Variants in CYB5R3 observed in about 807,000 individuals in gnomAD.
The protein encoded by CYB5R3 is NADH-cytochrome b5 reductase 3.
A neutral mutation model predicts 36.5 loss-of-function variants in CYB5R3; 28 were observed. That is an observed-to-expected ratio of 0.77 (90% confidence interval 0.57 to 1.05). The LOEUF is 1.05. Ranked by LOEUF, CYB5R3 falls within the 50% of genes least tolerant of loss-of-function variation. The pLI, the probability that CYB5R3 is intolerant of heterozygous loss-of-function variation, is 0.00. For missense variants in CYB5R3, 474 were observed against 408.9 expected, an observed-to-expected ratio of 1.16 and a Z score of -1.37; for synonymous variants, 181 against 159.8, an observed-to-expected ratio of 1.13 and a Z score of -1.00.
intron 4 of CYB5R3, among the ~76,000 whole-genome samples, chr22:42,629,035 C>CA (rs1338490689): frequency 6.6e-6 from 1 of 152,130 alleles, no homozygotes; most frequent in Non-Finnish European, 1.5e-5. Context: ...TAACCTTTAT[C>CA]AAGGACCAAG....
chr22:42,624,904 T>A (rs1367035299), intron 7 of CYB5R3, among the ~76,000 whole-genome samples: 1 of 152,080 alleles, frequency 6.6e-6, no homozygotes, highest in Non-Finnish European at 1.5e-5. Flanking sequence ...GGTGCCTGAA[T>A]ACGGGAATCA....
chr22:42,631,743 G>T (rs1345896688), intron 2 of CYB5R3: 2 of 515,898 alleles, frequency 3.9e-6, no homozygotes, highest in Non-Finnish European at 7.1e-6. Context: ...AAGGGAGGAT[G>T]CCAGACAGGA....
intron 1 of CYB5R3, among the ~76,000 whole-genome samples, chr22:42,638,842 G>A (rs933658102): frequency 1.3e-5 from 2 of 150,706 alleles, no homozygotes; most frequent in South Asian, 2.1e-4. Context: ...AGACCAGCCT[G>A]GCTAACATCG....
At chr22:42,634,024 A>C (rs1928749735) in intron 2 of CYB5R3, among the ~76,000 whole-genome samples, 1 of 152,160 alleles carries the variant, frequency 6.6e-6, no homozygotes, top group Non-Finnish European at 1.5e-5. Flanking sequence ...TTTGGGTAAG[A>C]AAAAAACATG....
At chr22:42,622,939 C>T (rs1234193760) in intron 8 of CYB5R3, among the ~76,000 whole-genome samples, 2 of 152,230 alleles carry the variant, frequency 1.3e-5, no homozygotes, top group Non-Finnish European at 2.9e-5. Context: ...TGCAGGTCCC[C>T]AGCTTCTCTT....
At chr22:42,629,088 G>A (rs1036094467) in intron 4 of CYB5R3, among the ~76,000 whole-genome samples, 1 of 152,150 alleles carries the variant, frequency 6.6e-6, no homozygotes. Flanking sequence ...CTGGTCACCT[G>A]TGAGTTTTTC....
At position 42,636,647 on chromosome 22, in the gene CYB5R3, C is replaced by T. The variant is rs914291617; in HGVS notation, c.153+68G>A. The T allele has an allele frequency of 7.6e-6, 12 of 1,588,376 alleles. No individual in the cohort carries two copies. In the African/African-American group the frequency reaches 1.6e-4, roughly 21 times the overall value. ...ATCTACTTCAGAGCAGGACCATGCC[C>T]TGAGCACAGAGTAGGTGCTGGGCAA... is the stretch of plus-strand genomic sequence containing the variant. On this transcript the variant is annotated intron_variant, in intron 2 of 8. Coordinates refer to ENST00000352397, the MANE Select transcript of CYB5R3 (RefSeq NM_000398.7).
At position 42,638,728 on chromosome 22, in the gene CYB5R3, T is replaced by TAAAAAAAAAAAAAAAAAAAAAAAA. The variant is rs67349863; in HGVS notation, c.22-1883_22-1882insTTTTTTTTTTTTTTTTTTTTTTTT. Among the ~76,000 whole-genome samples, 50 of 47,510 alleles carry TAAAAAAAAAAAAAAAAAAAAAAAA rather than the reference T, an allele frequency of 1.1e-3. 2 individuals are homozygous for TAAAAAAAAAAAAAAAAAAAAAAAA. The highest frequency in any genetic ancestry group is 2.9e-3 in the South Asian group (3 of 1,024). 31.2% of individuals were successfully genotyped at this position (47,510 alleles called of 152,430 possible). On this transcript the variant is annotated intron_variant, in intron 1 of 8. Transcript: ENST00000352397. Reference sequence around the variant, plus strand: ...GCCTGGGAGACAGAGCAAGACTCCATAAAAAAAAAAAAAAAAAAAAAAGGC... The same window carrying TAAAAAAAAAAAAAAAAAAAAAAAA: ...GCCTGGGAGACAGAGCAAGACTCCATAAAAAAAAAAAAAAAAAAAAAAAAAAAAAAAAAAAAAAAAAAAAAAGGC...
intron 8 of CYB5R3, among the ~76,000 whole-genome samples, chr22:42,621,572 TA>T (rs1302312184): frequency 6.6e-6 from 1 of 152,252 alleles, no homozygotes; most frequent in African/African-American, 2.4e-5. Flanking sequence ...GTACCTCAAC[TA>T]ATCTTGAATT....
rs1365402373 is a variant in CYB5R3 at position 42,628,256 on chromosome 22, T to C, written c.359A>G (p.Lys120Arg). 5 of 1,614,082 alleles carry C rather than the reference T, an allele frequency of 3.1e-6. No homozygotes were observed. Among genetic ancestry groups the C allele is most frequent in the Non-Finnish European group, 4.2e-6 (5 of 1,179,976 alleles). The change falls in exon 5 of 9, where the codon AAG becomes AGG. Residue 120 changes from lysine to arginine, a missense_variant. Physicochemically the swap from Lys to Arg is conservative, Grantham distance 26. Transcript: ENST00000352397. ...IKVYFKDTHPKFPAGGKMSQY... is the reference protein window; with the variant it reads ...IKVYFKDTHPRFPAGGKMSQY... ...AGACATCTTCCCTCCAGCGGGAAACTTGGGATGGGTGTCCTTGAAGTAAAC... is the reference window on the plus strand; with the variant it reads ...AGACATCTTCCCTCCAGCGGGAAACCTGGGATGGGTGTCCTTGAAGTAAAC...
At chr22:42,645,335 C>A (rs1309135007) in intron 1 of CYB5R3, among the ~76,000 whole-genome samples, 1 of 152,184 alleles carries the variant, frequency 6.6e-6, no homozygotes, top group Non-Finnish European at 1.5e-5. Flanking sequence ...TTTTATTTTG[C>A]CTAGAAGTTT....
rs191016315 is a variant in CYB5R3, at chr22:42,626,391, C to T, written c.633+913G>A. ...GAGACATGCACAGTCAAGCCCCTCC[C>T]GGAGCCTGTGTTCGGAGGTATGAGA... On this transcript the variant is annotated intron_variant, in intron 7 of 8. Coordinates refer to ENST00000352397, the MANE Select transcript of CYB5R3 (RefSeq NM_000398.7). Among the ~76,000 whole-genome samples the T allele has an allele frequency of 2.3e-3, 350 of 152,308 alleles. 1 individual carries two copies. The highest frequency in any genetic ancestry group is 4.1e-3 in the Non-Finnish European group (280 of 68,024).
intron 2 of CYB5R3, among the ~76,000 whole-genome samples, chr22:42,634,929 G>C (rs1297553178): frequency 1.4e-5 from 2 of 147,998 alleles, no homozygotes; most frequent in Non-Finnish European, 3.0e-5. Context: ...TTCAGCCTCT[G>C]GAGTAGCTGG....
rs1429519089 is a variant in CYB5R3 at position 42,619,077 on chromosome 22, G to A, written c.*696C>T. ...CCCCAGCCCAGGACCCCAAAACCCTGAGGCGGTGCAGTGGGCTGCCAACCC... is the reference window on the plus strand; with the variant it reads ...CCCCAGCCCAGGACCCCAAAACCCTAAGGCGGTGCAGTGGGCTGCCAACCC... On this transcript the variant is annotated 3_prime_UTR_variant, in exon 9 of 9. Transcript: ENST00000352397. The A allele has an allele frequency of 6.5e-6, 1 of 152,882 alleles. No individual in the cohort carries two copies. The highest frequency in any genetic ancestry group is 1.5e-5 in the Non-Finnish European group (1 of 68,568). The allele number at this position is 152,882 out of a possible 1,614,324, so 9.5% of individuals were successfully genotyped here.
Position 42,617,941 on chromosome 22 carries a change from T to A in CYB5R3, c.*1832A>T, listed in dbSNP as rs1927712587. The A allele has an allele frequency of 6.6e-6, 1 of 152,276 alleles. No homozygotes were observed. The highest frequency in any genetic ancestry group is 1.5e-5 in the Non-Finnish European group (1 of 68,172). 9.4% of individuals were successfully genotyped at this position (152,276 alleles called of 1,614,324 possible). A position where few individuals can be genotyped will look rare whatever the true frequency, so the allele number is the denominator to read the frequency against. On this transcript the variant is annotated 3_prime_UTR_variant, in exon 9 of 9. Coordinates refer to ENST00000352397, the MANE Select transcript of CYB5R3 (RefSeq NM_000398.7). Reference sequence around the variant, plus strand: ...ACCCACCCACCCCAGCATGGCCAGCTCTCTCTTCCCGTCCCAGCCCAAATC... The same window carrying A: ...ACCCACCCACCCCAGCATGGCCAGCACTCTCTTCCCGTCCCAGCCCAAATC...
chr22:42,634,150 G>A (rs918784251), intron 2 of CYB5R3, among the ~76,000 whole-genome samples: 2 of 150,930 alleles, frequency 1.3e-5, no homozygotes, highest in Non-Finnish European at 2.9e-5. Flanking sequence ...TCAGGAGTTC[G>A]AGACCAGCCT....
chr22:42,643,815 C>T lies in CYB5R3; in HGVS notation c.21+5480G>A, dbSNP rs760550661. On this transcript the variant is annotated intron_variant, in intron 1 of 8. Transcript: ENST00000352397. The stretch of plus-strand genomic sequence containing the variant: ...TCCCAGCTAAGGATGGCAGGAGAGT[C>T]GCTTCACTTCCCCGGGCCCTACCTG... Among the ~76,000 whole-genome samples the T allele has an allele frequency of 6.6e-5, 10 of 152,236 alleles. No individual in the cohort carries two copies. The East Asian group carries it at 1.9e-3, about 29-fold the overall frequency.
At position 42,627,349 on chromosome 22, in the gene CYB5R3, C is replaced by T; in HGVS notation, c.588G>A (p.Lys196=). ...GGCACACAGTGTGGTCATCAGGGTC[C>T]TTCATGATGGCGCGGATCACCTGCA... ...PMLQVIRAIM[K]DPDDHTVCHL... Residue 196 remains lysine (K), a synonymous_variant, in exon 7 of 9, where the codon AAG becomes AAA. Coordinates refer to ENST00000352397, the MANE Select transcript of CYB5R3 (RefSeq NM_000398.7). 6.2e-7 allele frequency: 1 copy of T among 1,613,994 alleles called. No individual in the cohort carries two copies. Among genetic ancestry groups the T allele is most frequent in the African/African-American group, 1.3e-5 (1 of 75,050 alleles).
rs1010935279 is a variant in CYB5R3, at chr22:42,619,625, G to A, written c.*148C>T. The A allele has an allele frequency of 5.4e-6, 4 of 740,040 alleles. No individual in the cohort carries two copies. The highest frequency in any genetic ancestry group is 2.5e-5 in the Admixed American group (1 of 39,358). 45.8% of individuals were successfully genotyped at this position (740,040 alleles called of 1,614,324 possible). A position where few individuals can be genotyped will look rare whatever the true frequency, so the allele number is the denominator to read the frequency against. On this transcript the variant is annotated 3_prime_UTR_variant, in exon 9 of 9. Coordinates refer to ENST00000352397, the MANE Select transcript of CYB5R3 (RefSeq NM_000398.7). ...AGCCCTGCTCCCGAAGGGGCTCCAG[G>A]GGAACTGCTCAGCCAGGTGATTCAC...
Sources: allele counts gnomAD v4.1 joint callset (sites outside exome capture counted in the v4.1 genomes callset), GRCh38; gene constraint gnomAD v4.1.1; transcripts MANE v1.5; gene names NCBI Gene and HGNC (gene_info 2026-07-23, HGNC 2026-07-21).